The following SPATA6L variants were observed in gnomAD, a reference collection of about 807,000 sequenced individuals.
SPATA6L encodes spermatogenesis associated 6-like protein.
A neutral mutation model predicts 49.2 loss-of-function variants in SPATA6L; 68 were observed. The ratio of observed to expected loss-of-function variants is 1.38; its 90% confidence interval spans 1.14 to 1.69. SPATA6L has a LOEUF of 1.69. SPATA6L is among the 40% of genes most tolerant of loss of function. SPATA6L has a pLI of 0.00. For missense variants in SPATA6L, 668 were observed against 464.3 expected (o/e 1.44, Z -4.03); for synonymous variants, 198 against 165.7 (o/e 1.19, Z -1.50).
At chr9:4,606,204 C>A (rs540846303) in intron 9 of SPATA6L, among the ~76,000 whole-genome samples, 1 of 150,198 alleles carries the variant, frequency 6.7e-6, no homozygotes, top group Non-Finnish European at 1.5e-5. Flanking sequence ...AACTGCAAGG[C>A]GGCAGCGAGG....
chr9:4,642,322 T>C (rs910273786), intron 3 of SPATA6L, among the ~76,000 whole-genome samples: 2 of 152,168 alleles, frequency 1.3e-5, no homozygotes, highest in African/African-American at 2.4e-5. Flanking sequence ...AAAAAACTTA[T>C]GGAAAAAAAC....
chr9:4,616,283 A>T (rs187770780), intron 9 of SPATA6L, among the ~76,000 whole-genome samples: 2,022 of 152,194 alleles, frequency 0.013, 36 homozygotes, highest in African/African-American at 0.046. Flanking sequence ...TCTCGAAAAA[A>T]AATAATAATA....
rs1053417195 is a variant in SPATA6L, at chr9:4,662,258, T to C, written c.40-222A>G. 3 of 1,433,280 alleles carry C rather than the reference T, an allele frequency of 2.1e-6. No individual in the cohort carries two copies. The highest frequency in any genetic ancestry group is 2.9e-5 in the Admixed American group (1 of 34,810). 88.8% of individuals were successfully genotyped at this position (1,433,280 alleles called of 1,614,324 possible). On this transcript the variant is annotated intron_variant, in intron 1 of 11. Coordinates refer to ENST00000682582, the MANE Select transcript of SPATA6L (RefSeq NM_001353486.2). The surrounding 1 kb of genome is among the most constrained non-coding windows in gnomAD (Gnocchi z 4.9). The stretch of plus-strand genomic sequence containing the variant: ...TCTCCACCAGGTGTCACAATCGCGC[T>C]CTCGCCGGCTCCTCTCCCCGCCCCT...
chr9:4,652,795 C>T (rs143687835), intron 3 of SPATA6L, among the ~76,000 whole-genome samples: 4 of 147,380 alleles, frequency 2.7e-5, no homozygotes, highest in East Asian at 2.0e-4. Context: ...GAGCAGAGAT[C>T]GCACGATTGC....
At chr9:4,614,939 C>A (rs1827610254) in intron 9 of SPATA6L, among the ~76,000 whole-genome samples, 3 of 152,286 alleles carry the variant, frequency 2.0e-5, no homozygotes, top group South Asian at 4.2e-4. Context: ...TGACTAATGT[C>A]ACAGAGCTCC....
At chr9:4,656,117 T>C in intron 2 of SPATA6L, 28 bp from the exon 3 acceptor site, 1 of 1,598,838 alleles carries the variant, frequency 6.3e-7, no homozygotes. Context: ...GAAAATAAAT[T>C]TTCAAAGTTG....
chr9:4,655,558 T>G (rs1198391010), intron 3 of SPATA6L, among the ~76,000 whole-genome samples: 6 of 152,040 alleles, frequency 3.9e-5, no homozygotes, highest in Middle Eastern at 3.4e-3. Flanking sequence ...TTTTGTTGTT[T>G]TTTTTTTTGA....
At chr9:4,615,654 T>G (rs1827806302) in intron 9 of SPATA6L, among the ~76,000 whole-genome samples, 1 of 152,240 alleles carries the variant, frequency 6.6e-6, no homozygotes, top group East Asian at 1.9e-4. Context: ...GGATTGTACT[T>G]CTGTTAGGTA....
At chr9:4,648,563 G>A (rs923262550) in intron 3 of SPATA6L, among the ~76,000 whole-genome samples, 7 of 151,882 alleles carry the variant, frequency 4.6e-5, no homozygotes, top group African/African-American at 1.5e-4. Context: ...AGCCGGGCGT[G>A]GTGGCGGGAG....
intron 13 of SPATA6L, among the ~76,000 whole-genome samples, chr9:4,592,886 G>C (rs1822000043): frequency 6.6e-6 from 1 of 152,192 alleles, no homozygotes; most frequent in Non-Finnish European, 1.5e-5. Flanking sequence ...AGTTGTACAT[G>C]CTAAATATGT....
chr9:4,651,369 A>G (rs1030975410), intron 3 of SPATA6L, among the ~76,000 whole-genome samples: 1 of 152,230 alleles, frequency 6.6e-6, no homozygotes, highest in Non-Finnish European at 1.5e-5. Flanking sequence ...TTAGTAATCA[A>G]AAAACAACCC....
At position 4,622,488 on chromosome 9, in the gene SPATA6L, C is replaced by A; in HGVS notation, c.692G>T (p.Gly231Val). The change falls in exon 7 of 12, where the codon GGT (glycine) becomes GTT (valine). Residue 231 changes from glycine to valine, a missense_variant. Gly to Val is a moderately radical substitution (Grantham distance 109). Coordinates refer to ENST00000682582, the MANE Select transcript of SPATA6L (RefSeq NM_001353486.2). ...CAAATGATGCTCTGAAATATTCTCA[C>A]CAAAGGGCTTTGCACTGTCCACCTG... is the stretch of plus-strand genomic sequence containing the variant. Reference protein sequence around the residue: ...VRHVDSAKPFGENISEHHLRR... With the variant: ...VRHVDSAKPFVENISEHHLRR... The A allele has an allele frequency of 6.2e-7, 1 of 1,613,256 alleles. No individual in the cohort carries two copies. The highest frequency in any genetic ancestry group is 8.5e-7 in the Non-Finnish European group (1 of 1,179,712).
chr9:4,597,320 ACACACACACACACACAC>A (rs1822354819), downstream of SPATA6L, among the ~76,000 whole-genome samples: 1 of 1,526 alleles, frequency 6.6e-4, no homozygotes, highest in Non-Finnish European at 1.7e-3. Flanking sequence ...AAAACAAAAT[ACACACACACACACACAC>A]ACACACACAC....
At chr9:4,659,343 T>C (rs1421528743) in intron 2 of SPATA6L, among the ~76,000 whole-genome samples, 1 of 152,090 alleles carries the variant, frequency 6.6e-6, no homozygotes, top group Non-Finnish European at 1.5e-5. Flanking sequence ...GGATACAAAA[T>C]CAATGTGCAA....
chr9:4,613,102 A>C (rs927697145), intron 9 of SPATA6L, among the ~76,000 whole-genome samples: 13 of 151,898 alleles, frequency 8.6e-5, no homozygotes, highest in African/African-American at 2.7e-4. Flanking sequence ...GTGGTGGTAC[A>C]TCTGTAGTCC....
chr9:4,656,001 T>C (rs1282041604), intron 3 of SPATA6L, 40 bp downstream of exon 3: 11 of 1,508,420 alleles, frequency 7.3e-6, no homozygotes, highest in East Asian at 2.3e-5. Flanking sequence ...TTACACACAA[T>C]AGTCTTTTGG....
intron 3 of SPATA6L, chr9:4,646,617 C>T (rs1835438078): frequency 3.4e-6 from 2 of 584,884 alleles, no homozygotes; most frequent in African/African-American, 1.9e-5. Context: ...ATAAAACCCA[C>T]TTAATAGTAA....
intron 2 of SPATA6L, among the ~76,000 whole-genome samples, chr9:4,658,810 G>A (rs1409295874): frequency 6.6e-6 from 1 of 152,080 alleles, no homozygotes; most frequent in Non-Finnish European, 1.5e-5. Context: ...TGGCCAACAT[G>A]GTGAAACCCT....
At chr9:4,617,144 T>A (rs1828209458) in intron 9 of SPATA6L, among the ~76,000 whole-genome samples, 2 of 152,206 alleles carry the variant, frequency 1.3e-5, no homozygotes, top group African/African-American at 2.4e-5. Flanking sequence ...ATATATTTAC[T>A]CTGAGTCCCT....
Sources: gnomAD v4.1 joint callset for allele counts (sites outside exome capture counted in the v4.1 genomes callset) on GRCh38, gnomAD v4.1.1 for gene constraint, Gnocchi (gnomAD v3.1) non-coding constraint, MANE v1.5 for transcripts, NCBI Gene and HGNC (gene_info 2026-07-23, HGNC 2026-07-21) for gene names.